Variants in PIK3C2G observed in about 807,000 individuals in gnomAD.
The protein encoded by PIK3C2G is phosphatidylinositol-4-phosphate 3-kinase catalytic subunit type 2 gamma, also known as phosphatidylinositol 3-kinase C2 domain-containing subunit gamma.
A neutral mutation model predicts 181.1 loss-of-function variants in PIK3C2G; 168 were observed. The ratio of observed to expected loss-of-function variants is 0.93; its 90% CI spans 0.82 to 1.05. The LOEUF is 1.05. Among genes scored for constraint, PIK3C2G ranks in the 50% least tolerant of loss-of-function variants. The probability of loss-of-function intolerance (pLI) is 0.00; values close to 1 mark genes in which losing one functional copy is unlikely to be tolerated. For synonymous variants in PIK3C2G, 573 were observed against 592.2 expected (o/e 0.97, Z 0.47); for missense variants, 1,869 against 1,732.8 (o/e 1.08, Z -1.40).
intron 31 of PIK3C2G, among the ~76,000 whole-genome samples, chr12:18,627,308 C>G (rs888915522): frequency 1.3e-5 from 2 of 151,928 alleles, no homozygotes; most frequent in Admixed American, 1.3e-4. Flanking sequence ...CCCATATATT[C>G]TTGGAGTTCA....
intron 32 of PIK3C2G, among the ~76,000 whole-genome samples, chr12:18,647,517 T>G (rs1950205443): frequency 6.6e-6 from 1 of 152,154 alleles, no homozygotes; most frequent in Non-Finnish European, 1.5e-5. Context: ...GATGTTCTCT[T>G]TTTATTTTTA....
At chr12:18,260,869 A>G (rs1355222133), upstream of PIK3C2G, among the ~76,000 whole-genome samples, 1 of 151,990 alleles carries the variant, frequency 6.6e-6, no homozygotes, top group East Asian at 1.9e-4. Context: ...ACATTGTTCA[A>G]TTTCAAGAGC....
At chr12:18,267,088 G>A (rs866490011) in intron 1 of PIK3C2G, among the ~76,000 whole-genome samples, 2 of 152,008 alleles carry the variant, frequency 1.3e-5, no homozygotes, top group Admixed American at 1.3e-4. Flanking sequence ...TGTTACAATT[G>A]TAGTATCACA....
chr12:18,371,911 A>AT (rs1017022342), intron 13 of PIK3C2G, among the ~76,000 whole-genome samples: 3 of 152,152 alleles, frequency 2.0e-5, no homozygotes, highest in African/African-American at 7.2e-5. Context: ...AAGGAAAAAT[A>AT]TTTTTTAAAA....
intron 13 of PIK3C2G, among the ~76,000 whole-genome samples, chr12:18,381,178 T>C (rs1942808696): frequency 6.6e-6 from 1 of 152,214 alleles, no homozygotes; most frequent in South Asian, 2.1e-4. Flanking sequence ...CTATGGTAAT[T>C]TACCACCGAT....
intron 13 of PIK3C2G, among the ~76,000 whole-genome samples, chr12:18,375,218 C>A (rs1247711254): frequency 6.6e-6 from 1 of 152,132 alleles, no homozygotes; most frequent in African/African-American, 2.4e-5. Context: ...GGCCAAAATG[C>A]TGATAGTGAT....
At chr12:18,487,416 T>A (rs1054837813) in intron 18 of PIK3C2G, among the ~76,000 whole-genome samples, 7 of 152,074 alleles carry the variant, frequency 4.6e-5, no homozygotes, top group Non-Finnish European at 8.8e-5. Flanking sequence ...CACATCTATA[T>A]ATTTAAAAAT....
chr12:18,388,121 T>A (rs146221723), intron 14 of PIK3C2G, among the ~76,000 whole-genome samples: 6 of 152,180 alleles, frequency 3.9e-5, no homozygotes, highest in African/African-American at 1.4e-4. Flanking sequence ...GAGATCCTTT[T>A]TTTTTTCTCA....
rs113685902 is a variant in PIK3C2G at position 18,270,850 on chromosome 12, C to T, written c.-79+9273C>T. Among the ~76,000 whole-genome samples, 1,376 of 152,090 alleles carry T rather than the reference C, an allele frequency of 9.0e-3. 17 individuals carry two copies. Among genetic ancestry groups the T allele is most frequent in the African/African-American group, 0.031 (1,275 of 41,506 alleles). On this transcript the variant is annotated intron_variant, in intron 1 of 32. Coordinates refer to ENST00000538779, the MANE Select transcript of PIK3C2G (RefSeq NM_001288772.2). ...TATTTAAATTAAAACTATAATTTTA[C>T]GAACTACATCTGAATTGATTAATAT...
chr12:18,480,121 C>T (rs909332148), intron 18 of PIK3C2G, among the ~76,000 whole-genome samples: 1 of 151,934 alleles, frequency 6.6e-6, no homozygotes, highest in South Asian at 2.1e-4. Flanking sequence ...CCAAAATGAG[C>T]GAAAAGGGAG....
At chr12:18,396,758 T>C (rs765567393) in intron 15 of PIK3C2G, among the ~76,000 whole-genome samples, 5 of 151,596 alleles carry the variant, frequency 3.3e-5, no homozygotes, top group Admixed American at 6.6e-5. Flanking sequence ...TGCAAAACTT[T>C]CCTAAGGAAA....
At chr12:18,687,977 A>C in the PIK3C2G span, 1 of 1,410,862 alleles carries the variant, frequency 7.1e-7, no homozygotes, top group South Asian at 1.3e-5. Context: ...CATAATGGAA[A>C]ACCCTTGTCT....
At chr12:18,533,734 T>A (rs1943682068) in intron 24 of PIK3C2G, among the ~76,000 whole-genome samples, 1 of 152,054 alleles carries the variant, frequency 6.6e-6, no homozygotes, top group Non-Finnish European at 1.5e-5. Context: ...CTACAGTGTA[T>A]ATCTCCCTGA....
intron 24 of PIK3C2G, among the ~76,000 whole-genome samples, chr12:18,530,015 T>C (rs2136212522): frequency 6.6e-6 from 1 of 152,202 alleles, no homozygotes; most frequent in Admixed American, 6.5e-5. Context: ...GTCACTAGTT[T>C]AAAATGAGGC....
chr12:18,322,821 G>A (rs545090203), intron 7 of PIK3C2G, among the ~76,000 whole-genome samples: 81 of 152,054 alleles, frequency 5.3e-4, no homozygotes, highest in Admixed American at 1.9e-3. Flanking sequence ...ACAAATTTTC[G>A]TTTTATAGGT....
intron 30 of PIK3C2G, among the ~76,000 whole-genome samples, chr12:18,605,247 C>T (rs1189163061): frequency 6.6e-6 from 1 of 152,098 alleles, no homozygotes; most frequent in Non-Finnish European, 1.5e-5. Flanking sequence ...TTCAAGGGTA[C>T]TATGAACACC....
intron 31 of PIK3C2G, among the ~76,000 whole-genome samples, chr12:18,631,446 G>C (rs544819055): frequency 6.6e-6 from 1 of 152,250 alleles, no homozygotes; most frequent in East Asian, 1.9e-4. Context: ...CTGGGAAAAG[G>C]CTCTATACAA....
At chr12:18,409,479 T>A (rs1322930189) in intron 16 of PIK3C2G, among the ~76,000 whole-genome samples, 1 of 152,102 alleles carries the variant, frequency 6.6e-6, no homozygotes, top group Non-Finnish European at 1.5e-5. Context: ...CAAACCACCA[T>A]GGCATGTGTA....
At chr12:18,382,551 A>G (rs1592118556) in intron 14 of PIK3C2G, among the ~76,000 whole-genome samples, 1 of 152,266 alleles carries the variant, frequency 6.6e-6, no homozygotes, top group East Asian at 1.9e-4. Context: ...AAAATTAGAA[A>G]ATGCTCTCTG....
Sources: allele counts gnomAD v4.1 joint callset (sites outside exome capture counted in the v4.1 genomes callset), GRCh38; gene constraint gnomAD v4.1.1; transcripts MANE v1.5; gene names NCBI Gene and HGNC (gene_info 2026-07-23, HGNC 2026-07-21).